Variants in CDKAL1 observed in about 807,000 individuals in gnomAD.
CDKAL1 encodes threonylcarbamoyladenosine tRNA methylthiotransferase.
CDKAL1 carries 32 observed loss-of-function variants against 68.2 expected under a neutral mutation model. The ratio of observed to expected loss-of-function variants is 0.47; its 90% CI spans 0.35 to 0.63. CDKAL1 has a LOEUF of 0.63. Among genes scored for constraint, CDKAL1 ranks in the 30% least tolerant of loss-of-function variants. The pLI, the probability that CDKAL1 is intolerant of heterozygous loss-of-function variation, is 0.00. For missense variants in CDKAL1, 606 were observed against 696.7 expected, an observed-to-expected ratio of 0.87 and a Z score of 1.47; for synonymous variants, 234 against 244.3, an observed-to-expected ratio of 0.96 and a Z score of 0.39.
chr6:20,665,928 G>A (rs1039116556), intron 5 of CDKAL1, among the ~76,000 whole-genome samples: 21 of 148,496 alleles, frequency 1.4e-4, no homozygotes, highest in Admixed American at 4.7e-4. Flanking sequence ...CTCTGACTTC[G>A]GCCTGCTTAA....
chr6:21,043,988 C>T (rs1203208351), intron 11 of CDKAL1, among the ~76,000 whole-genome samples: 1 of 152,168 alleles, frequency 6.6e-6, no homozygotes, highest in African/African-American at 2.4e-5. Flanking sequence ...ATTGGAGCTA[C>T]ATACATAGAT....
chr6:21,137,933 C>T (rs1445937848), intron 13 of CDKAL1, among the ~76,000 whole-genome samples: 3 of 152,202 alleles, frequency 2.0e-5, no homozygotes, highest in South Asian at 2.1e-4. Context: ...GTGTAGCATA[C>T]GCATATGCCT....
intron 5 of CDKAL1, among the ~76,000 whole-genome samples, chr6:20,728,495 G>C (rs976766831): frequency 2.0e-5 from 3 of 152,054 alleles, no homozygotes; most frequent in African/African-American, 7.2e-5. Context: ...AATATGTATG[G>C]CTTATTGAGA....
At chr6:20,747,701 A>C (rs1262065799) in intron 6 of CDKAL1, among the ~76,000 whole-genome samples, 1 of 152,192 alleles carries the variant, frequency 6.6e-6, no homozygotes, top group Non-Finnish European at 1.5e-5. Flanking sequence ...CCATTAAGTT[A>C]TATGAATTCC....
At chr6:20,668,637 A>G (rs1769663375) in intron 5 of CDKAL1, among the ~76,000 whole-genome samples, 1 of 152,264 alleles carries the variant, frequency 6.6e-6, no homozygotes, top group South Asian at 2.1e-4. Flanking sequence ...CCTTTCACCC[A>G]GCTTCCTTTA....
chr6:21,165,580 G>T (rs1306610840), intron 13 of CDKAL1, among the ~76,000 whole-genome samples: 25 of 152,128 alleles, frequency 1.6e-4, no homozygotes, highest in Admixed American at 1.6e-3. Flanking sequence ...TTGAGAGCTC[G>T]TAGAAGAAAC....
intron 13 of CDKAL1, among the ~76,000 whole-genome samples, chr6:21,142,971 C>G (rs1775995428): frequency 6.6e-6 from 1 of 152,166 alleles, no homozygotes; most frequent in South Asian, 2.1e-4. Flanking sequence ...GAAAAAAATC[C>G]TGCCAGACAG....
intron 11 of CDKAL1, among the ~76,000 whole-genome samples, chr6:21,024,659 A>G (rs990341504): frequency 6.6e-6 from 1 of 152,190 alleles, no homozygotes; most frequent in Non-Finnish European, 1.5e-5. Flanking sequence ...AAAAGAAAAT[A>G]TTATCAGTAA....
At chr6:20,898,749 A>G (rs1269042575) in intron 9 of CDKAL1, among the ~76,000 whole-genome samples, 2 of 152,142 alleles carry the variant, frequency 1.3e-5, no homozygotes, top group East Asian at 1.9e-4. Flanking sequence ...AATCATATAT[A>G]AACTTTTTTA....
At chr6:20,556,786 C>G (rs1764059818) in intron 4 of CDKAL1, among the ~76,000 whole-genome samples, 1 of 151,954 alleles carries the variant, frequency 6.6e-6, no homozygotes, top group African/African-American at 2.4e-5. Flanking sequence ...ACCTGTAATC[C>G]CAGCACTTTG....
At chr6:20,941,537 T>C (rs1763972326) in intron 9 of CDKAL1, among the ~76,000 whole-genome samples, 1 of 152,226 alleles carries the variant, frequency 6.6e-6, no homozygotes, top group Admixed American at 6.5e-5. Context: ...ATAATTCTTA[T>C]TTTAAAAAAT....
In CDKAL1 at chr6:21,201,011, T is replaced by C; in HGVS notation, c.1384-99T>C. 3 of 1,076,488 alleles carry C rather than the reference T, an allele frequency of 2.8e-6. No individual in the cohort carries two copies. In the South Asian group the frequency reaches 5.4e-5, roughly 19 times the overall value. 66.7% of individuals were successfully genotyped at this position (1,076,488 alleles called of 1,614,324 possible). ...AACTGGGAGTTAGGTATACAGGAGCTCTCCATACTATCTTTGCAATAATTC... is the reference window on the plus strand; with the variant it reads ...AACTGGGAGTTAGGTATACAGGAGCCCTCCATACTATCTTTGCAATAATTC... On this transcript the variant is annotated intron_variant, in intron 14 of 15. Transcript: ENST00000274695.
chr6:20,689,989 A>G (rs1034870843), intron 5 of CDKAL1, among the ~76,000 whole-genome samples: 2 of 152,216 alleles, frequency 1.3e-5, no homozygotes, highest in African/African-American at 4.8e-5. Context: ...CCAATTATGA[A>G]AAATAACTTT....
At chr6:20,652,592 G>A (rs989162163) in intron 5 of CDKAL1, among the ~76,000 whole-genome samples, 8 of 151,902 alleles carry the variant, frequency 5.3e-5, no homozygotes, top group African/African-American at 1.9e-4. Context: ...AACATACCTG[G>A]GTCTAATCGG....
intron 4 of CDKAL1, among the ~76,000 whole-genome samples, chr6:20,555,868 C>A (rs1001669205): frequency 6.6e-6 from 1 of 151,834 alleles, no homozygotes; most frequent in African/African-American, 2.4e-5. Flanking sequence ...GTGATCCGCC[C>A]GCCTCGGCCT....
At chr6:20,710,984 A>G (rs757534314) in intron 5 of CDKAL1, among the ~76,000 whole-genome samples, 11 of 152,052 alleles carry the variant, frequency 7.2e-5, no homozygotes, top group African/African-American at 2.7e-4. Context: ...TTCCTTTTTA[A>G]TTTTCTTAAA....
intron 8 of CDKAL1, among the ~76,000 whole-genome samples, chr6:20,843,971 G>A (rs1778275044): frequency 6.6e-6 from 1 of 152,056 alleles, no homozygotes; most frequent in African/African-American, 2.4e-5. Context: ...GGGCCATGGA[G>A]ACACTCGAGG....
At chr6:20,812,238 A>G (rs772120510) in intron 8 of CDKAL1, among the ~76,000 whole-genome samples, 2 of 152,196 alleles carry the variant, frequency 1.3e-5, no homozygotes, top group South Asian at 4.1e-4. Flanking sequence ...CTGCAAAGGT[A>G]ATTGTTAAGT....
chr6:20,816,348 C>G (rs1022949344), intron 8 of CDKAL1, among the ~76,000 whole-genome samples: 12 of 152,116 alleles, frequency 7.9e-5, no homozygotes, highest in African/African-American at 2.4e-4. Flanking sequence ...TTTCTTTGTA[C>G]TTTCATTTCT....
Sources: allele counts gnomAD v4.1 joint callset (sites outside exome capture counted in the v4.1 genomes callset), GRCh38; gene constraint gnomAD v4.1.1; transcripts MANE v1.5; gene names NCBI Gene and HGNC (gene_info 2026-07-23, HGNC 2026-07-21).